Variants in C14orf132 observed in about 807,000 individuals in gnomAD.
The protein encoded by C14orf132 is chromosome 14 open reading frame 132.
In C14orf132, 6 loss-of-function variants were observed where a neutral mutation model predicts 5.8. The observed-to-expected ratio is 1.03, with a 90% CI of 0.57 to 2.04. C14orf132 has a LOEUF of 2.04. Among genes scored for constraint, C14orf132 ranks in the 30% most tolerant of loss-of-function variants. The probability of loss-of-function intolerance (pLI) is 0.00; values close to 1 mark genes in which losing one functional copy is unlikely to be tolerated. For synonymous variants in C14orf132, 51 were observed against 49.8 expected (o/e 1.02, Z -0.10); for missense variants, 125 against 115.8 (o/e 1.08, Z -0.37).
At chr14:96,051,640 T>A (rs1887030064) in intron 1 of C14orf132, among the ~76,000 whole-genome samples, 1 of 152,180 alleles carries the variant, frequency 6.6e-6, no homozygotes, top group Non-Finnish European at 1.5e-5. Context: ...CCTGAAACCG[T>A]CTCTCTGCAT....
intron 1 of C14orf132, among the ~76,000 whole-genome samples, chr14:96,054,325 C>G (rs1004808413): frequency 6.6e-6 from 1 of 152,178 alleles, no homozygotes; most frequent in African/African-American, 2.4e-5. Flanking sequence ...GGTCCCCAGC[C>G]ACGGCATTCT....
At chr14:96,069,179 G>GTATATATA (rs527543816) in intron 1 of C14orf132, among the ~76,000 whole-genome samples, 2 of 48,758 alleles carry the variant, frequency 4.1e-5, no homozygotes, top group African/African-American at 5.0e-5. Flanking sequence ...ATATATATAT[G>GTATATATA]TATATATATA....
chr14:96,080,619 T>C (rs1227979739), intron 1 of C14orf132, among the ~76,000 whole-genome samples: 1 of 152,190 alleles, frequency 6.6e-6, no homozygotes, highest in African/African-American at 2.4e-5. Context: ...AGGGGAGATT[T>C]ATATAACGGT....
intron 1 of C14orf132, among the ~76,000 whole-genome samples, chr14:96,082,667 G>A (rs1394662258): frequency 1.3e-5 from 2 of 152,080 alleles, no homozygotes; most frequent in Non-Finnish European, 2.9e-5. Flanking sequence ...CCTGGTTATC[G>A]ATCACACAAA....
chr14:96,047,821 C>T (rs1286366620), intron 1 of C14orf132, among the ~76,000 whole-genome samples: 7 of 152,212 alleles, frequency 4.6e-5, no homozygotes, highest in Non-Finnish European at 7.4e-5. Context: ...CATGCACAGC[C>T]TCTTCCACCA....
intron 1 of C14orf132, among the ~76,000 whole-genome samples, chr14:96,054,954 G>A (rs1383488773): frequency 1.3e-5 from 2 of 152,092 alleles, no homozygotes; most frequent in African/African-American, 4.8e-5. Context: ...CCTAAACACT[G>A]CTGTTCAGCC....
In C14orf132 at chr14:96,092,452, G is replaced by A. The variant is rs926497565; in HGVS notation, c.*5717G>A. On this transcript the variant is annotated 3_prime_UTR_variant, in exon 2 of 2. Coordinates refer to ENST00000555004, the MANE Select transcript of C14orf132 (RefSeq NM_001252507.3). Reference sequence around the variant, plus strand: ...GGGAATTTGCAGGCCTCGATTATTGGGGGAATCAGAGCCCATTCCACACCG... The same window carrying A: ...GGGAATTTGCAGGCCTCGATTATTGAGGGAATCAGAGCCCATTCCACACCG... The A allele has an allele frequency of 1.3e-5, 2 of 152,154 alleles. No individual in the cohort carries two copies. Among genetic ancestry groups the A allele is most frequent in the Admixed American group, 1.3e-4 (2 of 15,278 alleles). 9.4% of individuals were successfully genotyped at this position (152,154 alleles called of 1,614,324 possible).
intron 1 of C14orf132, among the ~76,000 whole-genome samples, chr14:96,074,122 GGC>G (rs1298850876): frequency 6.6e-6 from 1 of 152,206 alleles, no homozygotes; most frequent in Admixed American, 6.5e-5. Flanking sequence ...CACACCACAT[GGC>G]ACTTGTTAAC....
Position 96,091,138 on chromosome 14 carries a change from A to G in C14orf132, c.*4403A>G. The stretch of plus-strand genomic sequence containing the variant: ...GCTCACAGCTAAGGAGCTGTGATTC[A>G]GACCCAGTTCTGTCAGCTCTAGAGG... On this transcript the variant is annotated 3_prime_UTR_variant, in exon 2 of 2. Transcript: ENST00000555004. 1 of 406,340 alleles carries G rather than the reference A, an allele frequency of 2.5e-6. No individual in the cohort carries two copies. The highest frequency in any genetic ancestry group is 4.9e-6 in the Non-Finnish European group (1 of 202,534). The allele number at this position is 406,340 out of a possible 1,614,324, so 25.2% of individuals were successfully genotyped here. A position where few individuals can be genotyped will look rare whatever the true frequency, so the allele number is the denominator to read the frequency against.
chr14:96,081,356 G>A (rs1028576326), intron 1 of C14orf132, among the ~76,000 whole-genome samples: 2 of 152,176 alleles, frequency 1.3e-5, no homozygotes, highest in African/African-American at 4.8e-5. Flanking sequence ...AGAAACCTCT[G>A]CCTCAGAGAG....
chr14:96,072,107 G>T (rs1007386863), intron 1 of C14orf132, among the ~76,000 whole-genome samples: 1 of 152,194 alleles, frequency 6.6e-6, no homozygotes, highest in Non-Finnish European at 1.5e-5. Context: ...GAATGGAAAG[G>T]CCTGGGACTC....
intron 1 of C14orf132, among the ~76,000 whole-genome samples, chr14:96,061,148 A>G (rs1887343714): frequency 6.6e-6 from 1 of 152,100 alleles, no homozygotes; most frequent in Admixed American, 6.5e-5. Context: ...CCTCATTCTC[A>G]GGGCTTTTCT....
intron 1 of C14orf132, among the ~76,000 whole-genome samples, chr14:96,042,653 C>T (rs1438881499): frequency 2.0e-5 from 3 of 152,234 alleles, no homozygotes; most frequent in Non-Finnish European, 4.4e-5. Context: ...ACAGAGTAGA[C>T]ACCAGTTATC....
At chr14:96,069,589 C>A (rs79923127) in intron 1 of C14orf132, among the ~76,000 whole-genome samples, 30 of 151,962 alleles carry the variant, frequency 2.0e-4, no homozygotes, top group African/African-American at 6.8e-4. Flanking sequence ...TTGGAGCTGG[C>A]GCAGTCAGCC....
chr14:96,090,818 C>T lies in C14orf132; in HGVS notation c.*4083C>T, dbSNP rs1286505712. Reference sequence around the variant, plus strand: ...CACTCTGGCGTCTCCTGAAGTGGGTCCCTGGAGACCGAAGAGGCTCAGTGG... The same window carrying T: ...CACTCTGGCGTCTCCTGAAGTGGGTTCCTGGAGACCGAAGAGGCTCAGTGG... On this transcript the variant is annotated 3_prime_UTR_variant, in exon 2 of 2. Coordinates refer to ENST00000555004, the MANE Select transcript of C14orf132 (RefSeq NM_001252507.3). 3 of 455,946 alleles carry T rather than the reference C, an allele frequency of 6.6e-6. No individual in the cohort carries two copies. The highest frequency in any genetic ancestry group is 6.0e-5 in the African/African-American group (3 of 50,062). The allele number at this position is 455,946 out of a possible 1,614,324, so 28.2% of individuals were successfully genotyped here. A position where few individuals can be genotyped will look rare whatever the true frequency, so the allele number is the denominator to read the frequency against.
intron 1 of C14orf132, among the ~76,000 whole-genome samples, chr14:96,051,376 T>C (rs997660557): frequency 6.6e-6 from 1 of 152,148 alleles, no homozygotes; most frequent in African/African-American, 2.4e-5. Flanking sequence ...CTAGGAAGCC[T>C]TGTTCCCCAG....
rs985142953 is a variant in C14orf132 at position 96,093,015 on chromosome 14, A to C, written c.*6280A>C. 2.6e-5 allele frequency: 4 copies of C among 152,200 alleles called. No homozygotes were observed. Among genetic ancestry groups the C allele is most frequent in the Non-Finnish European group, 5.9e-5 (4 of 68,056 alleles). The allele number at this position is 152,200 out of a possible 1,614,324, so 9.4% of individuals were successfully genotyped here. The stretch of plus-strand genomic sequence containing the variant: ...CAGGGGACCCTGTGCTGGCCATCCT[A>C]TCTCTGATTCTGAAACTATGCATGC... On this transcript the variant is annotated 3_prime_UTR_variant, in exon 2 of 2. Transcript: ENST00000555004.
In C14orf132 at chr14:96,070,814, C is replaced by A. The variant is rs76618878; in HGVS notation, c.28-15697C>A. ...AGGTGTGCAGGGGAGTAGCTGCATGCCCTGTGTCCTCATGGGGTGCACCTG... is the reference window on the plus strand; with the variant it reads ...AGGTGTGCAGGGGAGTAGCTGCATGACCTGTGTCCTCATGGGGTGCACCTG... On this transcript the variant is annotated intron_variant, in intron 1 of 1. Coordinates refer to ENST00000555004, the MANE Select transcript of C14orf132 (RefSeq NM_001252507.3). Among the ~76,000 whole-genome samples, 2,537 of 152,196 alleles carry A rather than the reference C, an allele frequency of 0.017. 246 individuals are homozygous for A. The East Asian group carries it at 0.28, about 17-fold the overall frequency.
chr14:96,078,192 T>C (rs10220611), intron 1 of C14orf132, among the ~76,000 whole-genome samples: 41,844 of 152,230 alleles, frequency 0.27, 6,019 homozygotes, highest in Non-Finnish European at 0.32. Flanking sequence ...GGCCCTTCCC[T>C]GGCTTCCTCT....
Sources: gnomAD v4.1 joint callset for allele counts (sites outside exome capture counted in the v4.1 genomes callset) on GRCh38, gnomAD v4.1.1 for gene constraint, MANE v1.5 for transcripts, NCBI Gene and HGNC (gene_info 2026-07-23, HGNC 2026-07-21) for gene names.